Variants in PDE1C observed in about 807,000 individuals in gnomAD.
PDE1C encodes phosphodiesterase 1C, also known as dual specificity calcium/calmodulin-dependent 3',5'-cyclic nucleotide phosphodiesterase 1C.
A neutral mutation model predicts 93.1 loss-of-function variants in PDE1C; 62 were observed. That is an observed-to-expected ratio of 0.67 (90% CI 0.54 to 0.82). The LOEUF (loss-of-function observed/expected upper bound fraction) is 0.82. Among genes scored for constraint, PDE1C ranks in the 40% least tolerant of loss-of-function variants. The pLI is 0.00. For missense variants in PDE1C, 742 were observed against 884.6 expected, an observed-to-expected ratio of 0.84 and a Z score of 2.04; for synonymous variants, 325 against 310.1, an observed-to-expected ratio of 1.05 and a Z score of -0.50.
chr7:31,693,651 T>C, the PDE1C span, among the ~76,000 whole-genome samples: 1 of 152,208 alleles, frequency 6.6e-6, no homozygotes, highest in Non-Finnish European at 1.5e-5. Context: ...TGATAAAGCA[T>C]AGGCATTGAA....
At chr7:32,092,899 T>TA (rs1797554694) in intron 3 of PDE1C, among the ~76,000 whole-genome samples, 1 of 152,100 alleles carries the variant, frequency 6.6e-6, no homozygotes, top group African/African-American at 2.4e-5. Flanking sequence ...CTAAGGAAAG[T>TA]TTAGAAAGGC....
chr7:32,309,889 A>T (rs560104074), intron 1 of PDE1C, among the ~76,000 whole-genome samples: 44 of 152,350 alleles, frequency 2.9e-4, no homozygotes, highest in African/African-American at 1.1e-3. Context: ...GACCAAATAC[A>T]CACATAACAA....
At chr7:31,972,834 C>T (rs1584271835) in intron 2 of PDE1C, among the ~76,000 whole-genome samples, 1 of 152,132 alleles carries the variant, frequency 6.6e-6, no homozygotes, top group African/African-American at 2.4e-5. Context: ...GCACAGCCAG[C>T]ACCAGGCAGC....
At chr7:31,761,005 T>C (rs1794799262) in intron 17 of PDE1C, among the ~76,000 whole-genome samples, 2 of 90,598 alleles carry the variant, frequency 2.2e-5, no homozygotes, top group Admixed American at 2.3e-4. Flanking sequence ...CCACTGAGGA[T>C]GGGACAATAT....
At chr7:31,652,437 G>T in the PDE1C span, 3 of 1,491,698 alleles carry the variant, frequency 2.0e-6, no homozygotes, top group Non-Finnish European at 2.7e-6. Flanking sequence ...ACCTCATAAT[G>T]CCTAGCTCAC....
At chr7:31,811,561 T>C (rs1271472288) in intron 15 of PDE1C, among the ~76,000 whole-genome samples, 1 of 152,112 alleles carries the variant, frequency 6.6e-6, no homozygotes, top group Non-Finnish European at 1.5e-5. Context: ...AGAGATGGAC[T>C]CAAGGATCTT....
At chr7:31,628,619 C>T in the PDE1C span, among the ~76,000 whole-genome samples, 1 of 151,802 alleles carries the variant, frequency 6.6e-6, no homozygotes, top group South Asian at 2.1e-4. Flanking sequence ...CACCACGCCC[C>T]GCTAATTTTT....
At chr7:31,982,513 C>G (rs1812517130) in intron 2 of PDE1C, among the ~76,000 whole-genome samples, 1 of 152,008 alleles carries the variant, frequency 6.6e-6, no homozygotes, top group Non-Finnish European at 1.5e-5. Context: ...ATCAACAACA[C>G]TAATAGGGAA....
chr7:31,865,853 CTT>C (rs753276799), intron 6 of PDE1C, among the ~76,000 whole-genome samples: 1 of 152,060 alleles, frequency 6.6e-6, no homozygotes. Context: ...AATTTTATAA[CTT>C]AAGATTTTTG....
At position 31,837,304 on chromosome 7, in the gene PDE1C, T is replaced by C. The variant is rs1196627408; in HGVS notation, c.1083-4A>G. 6.2e-7 allele frequency: 1 copy of C among 1,603,848 alleles called. No homozygotes were observed. The highest frequency in any genetic ancestry group is 1.7e-5 in the Admixed American group (1 of 58,984). ...TAAGGCTTTTGGCTTTTCAATGCTG[T>C]AAACCAAAAGCACCCAAACACATGA... On this transcript the variant is annotated splice_region_variant and splice_polypyrimidine_tract_variant and intron_variant, in intron 10 of 17. Coordinates refer to ENST00000396191, the MANE Select transcript of PDE1C (RefSeq NM_001191057.4).
intron 5 of PDE1C, among the ~76,000 whole-genome samples, chr7:31,875,804 T>C (rs1796488712): frequency 1.6e-5 from 1 of 61,252 alleles, no homozygotes; most frequent in Admixed American, 2.1e-4. Context: ...TATATATATA[T>C]ATATATATAT....
intron 2 of PDE1C, among the ~76,000 whole-genome samples, chr7:31,891,042 C>T (rs1448839417): frequency 6.6e-6 from 1 of 152,156 alleles, no homozygotes; most frequent in African/African-American, 2.4e-5. Flanking sequence ...TCCTGTGACT[C>T]AGAACTCTAA....
intron 2 of PDE1C, among the ~76,000 whole-genome samples, chr7:31,958,317 A>T (rs1336166010): frequency 6.6e-6 from 1 of 152,234 alleles, no homozygotes; most frequent in Non-Finnish European, 1.5e-5. Context: ...TTCTGCCTTT[A>T]TAAACACTTG....
intron 2 of PDE1C, among the ~76,000 whole-genome samples, chr7:32,014,530 GT>G (rs1486616536): frequency 6.6e-6 from 1 of 152,032 alleles, no homozygotes; most frequent in Admixed American, 6.6e-5. Flanking sequence ...AGGTATACAT[GT>G]GCCATGGTGG....
intron 2 of PDE1C, among the ~76,000 whole-genome samples, chr7:31,939,932 G>C (rs553995019): frequency 6.6e-6 from 1 of 152,254 alleles, no homozygotes; most frequent in South Asian, 2.1e-4. Context: ...TGGAGAAAGA[G>C]TGAGTATCCA....
upstream of PDE1C, among the ~76,000 whole-genome samples, chr7:32,302,211 C>G (rs1183885060): frequency 6.6e-6 from 1 of 152,094 alleles, no homozygotes; most frequent in Non-Finnish European, 1.5e-5. Context: ...TGGGTAACTT[C>G]TAGTTTTATT....
intron 1 of PDE1C, among the ~76,000 whole-genome samples, chr7:32,062,832 T>G (rs1316817671): frequency 6.6e-6 from 1 of 152,206 alleles, no homozygotes; most frequent in Non-Finnish European, 1.5e-5. Context: ...GGTAAGTGAA[T>G]GAATGACTGA....
At chr7:32,160,914 C>T (rs1801881672) in intron 3 of PDE1C, among the ~76,000 whole-genome samples, 2 of 152,098 alleles carry the variant, frequency 1.3e-5, no homozygotes, top group African/African-American at 4.8e-5. Flanking sequence ...TTCTGCAAAC[C>T]ACTGCCTATA....
the PDE1C span, among the ~76,000 whole-genome samples, chr7:31,722,340 CT>C: frequency 6.6e-6 from 1 of 152,162 alleles, no homozygotes; most frequent in Non-Finnish European, 1.5e-5. Context: ...GTTCTATGTT[CT>C]CCTGATATAA....
Sources: gnomAD v4.1 joint callset for allele counts (sites outside exome capture counted in the v4.1 genomes callset) on GRCh38, gnomAD v4.1.1 for gene constraint, MANE v1.5 for transcripts, NCBI Gene and HGNC (gene_info 2026-07-23, HGNC 2026-07-21) for gene names.